Variants in PCNX2 observed in about 807,000 individuals in gnomAD.
PCNX2 encodes pecanex-like protein 2.
In PCNX2, 168 loss-of-function variants were observed where a neutral mutation model predicts 223.8. That is an observed-to-expected ratio of 0.75 (90% CI 0.66 to 0.85). The LOEUF is 0.85. PCNX2 is among the 40% of genes least tolerant of loss of function. The pLI is 0.00. For missense variants in PCNX2, 2,507 were observed against 2,675.5 expected, an observed-to-expected ratio of 0.94 and a Z score of 1.39; for synonymous variants, 1,006 against 1,052.6, an observed-to-expected ratio of 0.96 and a Z score of 0.86.
chr1:233,327,019 C>T, the PCNX2 span, among the ~76,000 whole-genome samples: 2 of 152,160 alleles, frequency 1.3e-5, no homozygotes, highest in African/African-American at 4.8e-5. Context: ...CTGAGATGCA[C>T]GGTGGCTCAA....
At chr1:233,077,154 A>T (rs148539953) in intron 23 of PCNX2, among the ~76,000 whole-genome samples, 1 of 152,352 alleles carries the variant, frequency 6.6e-6, no homozygotes, top group Non-Finnish European at 1.5e-5. Flanking sequence ...AGGGAAGGAT[A>T]AGTGACAAAG....
At chr1:233,325,693 G>A in the PCNX2 span, among the ~76,000 whole-genome samples, 63 of 152,030 alleles carry the variant, frequency 4.1e-4, no homozygotes, top group African/African-American at 1.2e-3. Context: ...GATGAGGAGC[G>A]GAGTTGCTTC....
intron 21 of PCNX2, among the ~76,000 whole-genome samples, chr1:233,101,827 C>CAT (rs1369408401): frequency 6.6e-6 from 1 of 152,044 alleles, no homozygotes; most frequent in Admixed American, 6.6e-5. Flanking sequence ...GTTCCATGTC[C>CAT]ATAAAGAGCA....
rs1274629498 is a variant in PCNX2, at chr1:233,218,197, T to C, written c.2505-13A>G. 6 of 369,222 alleles carry C rather than the reference T, an allele frequency of 1.6e-5. No individual in the cohort carries two copies. Among genetic ancestry groups the C allele is most frequent in the Non-Finnish European group, 2.6e-5 (6 of 234,250 alleles). The allele number at this position is 369,222 out of a possible 1,614,324, so 22.9% of individuals were successfully genotyped here. ...GATGTCTTCAGTTCTGTGCAAAATA[T>C]ATACATAAAAGCAAAAAAAAAAAAA... On this transcript the variant is annotated splice_polypyrimidine_tract_variant and intron_variant, in intron 10 of 33. Transcript: ENST00000258229.
At position 233,222,392 on chromosome 1, in the gene PCNX2, G is replaced by C. The variant is rs573020976; in HGVS notation, c.2505-4208C>G. Among the ~76,000 whole-genome samples, 10 of 152,222 alleles carry C rather than the reference G, an allele frequency of 6.6e-5. No individual in the cohort carries two copies. In the South Asian group the frequency reaches 1.9e-3, roughly 28 times the overall value. ...TGACGTTGAAAAGACATATTGTGTT[G>C]GGTTAAGAATAGTGTACAGGGGCTG... On this transcript the variant is annotated intron_variant, in intron 10 of 33. Coordinates refer to ENST00000258229, the MANE Select transcript of PCNX2 (RefSeq NM_014801.4).
chr1:232,992,383 T>G (rs1190641915), intron 32 of PCNX2, among the ~76,000 whole-genome samples: 1 of 152,126 alleles, frequency 6.6e-6, no homozygotes, highest in Admixed American at 6.5e-5. Flanking sequence ...GAAGATCACT[T>G]ATAAGTGGAA....
chr1:232,993,755 G>A lies in PCNX2; in HGVS notation c.5791+4496C>T, dbSNP rs544289604. Among the ~76,000 whole-genome samples the A allele has an allele frequency of 7.9e-5, 12 of 152,310 alleles. No homozygotes were observed. In the South Asian group the frequency reaches 8.3e-4, roughly 11 times the overall value. ...AAAATGGTTTCATGGGCTGGGCCACGGACCCCACTATTCTGTGCAGCCTCT... is the reference window on the plus strand; with the variant it reads ...AAAATGGTTTCATGGGCTGGGCCACAGACCCCACTATTCTGTGCAGCCTCT... On this transcript the variant is annotated intron_variant, in intron 32 of 33. Coordinates refer to ENST00000258229, the MANE Select transcript of PCNX2 (RefSeq NM_014801.4).
intron 21 of PCNX2, among the ~76,000 whole-genome samples, chr1:233,132,926 T>A (rs1676587497): frequency 6.7e-6 from 1 of 149,856 alleles, no homozygotes; most frequent in African/African-American, 2.5e-5. Context: ...GAGACAGGGT[T>A]TCATTCCTGT....
chr1:233,058,188 T>C (rs1392929456), intron 23 of PCNX2: 2 of 381,478 alleles, frequency 5.2e-6, no homozygotes, highest in Non-Finnish European at 7.2e-6. Flanking sequence ...CTTCTGAGAG[T>C]TAGCCGACTC....
At chr1:233,163,344 G>T (rs896018968) in intron 17 of PCNX2, among the ~76,000 whole-genome samples, 1 of 151,658 alleles carries the variant, frequency 6.6e-6, no homozygotes, top group African/African-American at 2.4e-5. Context: ...AAAATTAGCC[G>T]GTTGTGGTGG....
intron 30 of PCNX2, among the ~76,000 whole-genome samples, chr1:232,999,944 C>T (rs1281853977): frequency 6.6e-6 from 1 of 152,164 alleles, no homozygotes; most frequent in East Asian, 1.9e-4. Flanking sequence ...ATAAGGCCTT[C>T]GGATCCAGGA....
At chr1:233,322,239 T>C in the PCNX2 span, among the ~76,000 whole-genome samples, 1 of 152,298 alleles carries the variant, frequency 6.6e-6, no homozygotes, top group South Asian at 2.1e-4. Context: ...TGCCACCCGA[T>C]TTCTGTCTTA....
chr1:233,238,693 C>CA (rs397725959), intron 8 of PCNX2, among the ~76,000 whole-genome samples: 18,396 of 130,550 alleles, frequency 0.14, 1,464 homozygotes, highest in African/African-American at 0.15. Context: ...GATCCTGTCT[C>CA]AAAAAAAAAA....
chr1:233,186,128 T>C (rs1195207625), intron 15 of PCNX2, among the ~76,000 whole-genome samples: 1 of 152,238 alleles, frequency 6.6e-6, no homozygotes, highest in Non-Finnish European at 1.5e-5. Flanking sequence ...TGTTTGATTA[T>C]AAAGTGAATA....
intron 31 of PCNX2, among the ~76,000 whole-genome samples, chr1:232,998,660 A>T (rs1388355887): frequency 6.6e-6 from 1 of 152,204 alleles, no homozygotes; most frequent in Admixed American, 6.5e-5. Flanking sequence ...TCAACCTTCC[A>T]TAAGAACCCT....
chr1:233,247,033 T>C (rs963208982), intron 8 of PCNX2, among the ~76,000 whole-genome samples: 1 of 152,230 alleles, frequency 6.6e-6, no homozygotes, highest in African/African-American at 2.4e-5. Context: ...GTTTTCCATG[T>C]GTCAGACTCT....
intron 14 of PCNX2, 114 bp from the exon 15 acceptor site, chr1:233,199,144 T>C: frequency 1.1e-6 from 1 of 903,706 alleles, no homozygotes; most frequent in Non-Finnish European, 1.7e-6. Flanking sequence ...GCTGAAGGGG[T>C]AAATAATACA....
chr1:233,046,470 T>G (rs1671824899), intron 25 of PCNX2, among the ~76,000 whole-genome samples: 1 of 152,204 alleles, frequency 6.6e-6, no homozygotes, highest in Non-Finnish European at 1.5e-5. Context: ...AATTTAGGTT[T>G]TGTCAAGCTA....
intron 23 of PCNX2, among the ~76,000 whole-genome samples, chr1:233,065,900 C>G (rs898352130): frequency 4.6e-5 from 7 of 152,132 alleles, no homozygotes; most frequent in African/African-American, 1.7e-4. Context: ...ACCTTCAAAC[C>G]AAAGACAAAT....
Sources: gnomAD v4.1 joint callset for allele counts (sites outside exome capture counted in the v4.1 genomes callset) on GRCh38, gnomAD v4.1.1 for gene constraint, MANE v1.5 for transcripts, NCBI Gene and HGNC (gene_info 2026-07-23, HGNC 2026-07-21) for gene names.